Variants in TMOD3 observed in about 807,000 individuals in gnomAD.
TMOD3 encodes the protein tropomodulin 3.
Under a neutral mutation model 39.2 loss-of-function variants are expected in TMOD3, and 20 were observed. That is an observed-to-expected ratio of 0.51 (90% confidence interval 0.36 to 0.74). The LOEUF (loss-of-function observed/expected upper bound fraction) is 0.74. Among genes scored for constraint, TMOD3 ranks in the 30% least tolerant of loss-of-function variants. TMOD3 has a pLI of 0.00. For missense variants in TMOD3, 381 were observed against 412.8 expected (o/e 0.92, Z 0.67); for synonymous variants, 143 against 145.8 (o/e 0.98, Z 0.14).
rs61532703 is a variant in TMOD3 at position 51,856,606 on chromosome 15, ATT to A, written c.-74-6194_-74-6193del. Among the ~76,000 whole-genome samples, 293 of 149,188 alleles carry A rather than the reference ATT, an allele frequency of 2.0e-3. 2 individuals carry two copies. The highest frequency in any genetic ancestry group is 5.7e-3 in the African/African-American group (231 of 40,860). On this transcript the variant is annotated intron_variant, in intron 1 of 9. Coordinates refer to ENST00000308580, the MANE Select transcript of TMOD3 (RefSeq NM_014547.5). Reference sequence around the variant, plus strand: ...AACCAACAAAGAATATATTAAGGGCATTTTTTTTTTTTAACGGGCAAAAGATT... The same window carrying A: ...AACCAACAAAGAATATATTAAGGGCATTTTTTTTTTAACGGGCAAAAGATT...
rs1300619901 is a variant in TMOD3, at chr15:51,909,464, G to C, written c.*654G>C. Reference sequence around the variant, plus strand: ...TAAAACAAAGTCATCAGCTTTGCCAGGTTACATACTTTATTTAAAAGTATA... The same window carrying C: ...TAAAACAAAGTCATCAGCTTTGCCACGTTACATACTTTATTTAAAAGTATA... On this transcript the variant is annotated 3_prime_UTR_variant, in exon 10 of 10. Transcript: ENST00000308580. The C allele has an allele frequency of 6.6e-6, 1 of 152,556 alleles. No individual in the cohort carries two copies. The highest frequency in any genetic ancestry group is 1.5e-5 in the Non-Finnish European group (1 of 68,024). The allele number at this position is 152,556 out of a possible 1,614,324, so 9.5% of individuals were successfully genotyped here. A position where few individuals can be genotyped will look rare whatever the true frequency, so the allele number is the denominator to read the frequency against.
intron 2 of TMOD3, among the ~76,000 whole-genome samples, chr15:51,864,068 C>T (rs1595897081): frequency 6.6e-6 from 1 of 152,094 alleles, no homozygotes; most frequent in Middle Eastern, 3.4e-3. Flanking sequence ...GAGTTCGAGA[C>T]CAGCCTGGCC....
chr15:51,838,313 T>C (rs986068727), intron 1 of TMOD3, among the ~76,000 whole-genome samples: 1 of 152,194 alleles, frequency 6.6e-6, no homozygotes, highest in African/African-American at 2.4e-5. Context: ...CAGTTAATTA[T>C]ATATTTTCTT....
At chr15:51,897,578 G>A (rs1451997237) in intron 7 of TMOD3, among the ~76,000 whole-genome samples, 3 of 142,848 alleles carry the variant, frequency 2.1e-5, no homozygotes, top group South Asian at 2.2e-4. Context: ...TCCGCCTCCC[G>A]GGTTCAAGCG....
chr15:51,830,069 G>T (rs1297955244), intron 1 of TMOD3, among the ~76,000 whole-genome samples: 1 of 152,080 alleles, frequency 6.6e-6, no homozygotes, highest in Non-Finnish European at 1.5e-5. Flanking sequence ...CTAGGCGCGC[G>T]AACCTGGCGT....
intron 3 of TMOD3, among the ~76,000 whole-genome samples, chr15:51,879,741 C>G (rs540584899): frequency 6.6e-6 from 1 of 151,904 alleles, no homozygotes; most frequent in South Asian, 2.1e-4. Context: ...CATGACTAAC[C>G]AGTCTTCATT....
At chr15:51,857,837 G>A (rs1469960911) in intron 1 of TMOD3, among the ~76,000 whole-genome samples, 1 of 151,236 alleles carries the variant, frequency 6.6e-6, no homozygotes, top group Non-Finnish European at 1.5e-5. Context: ...ACCCTTATCT[G>A]TCTGAAATAT....
chr15:51,854,007 G>A (rs533353296), intron 1 of TMOD3, among the ~76,000 whole-genome samples: 3 of 152,116 alleles, frequency 2.0e-5, no homozygotes, highest in Non-Finnish European at 4.4e-5. Flanking sequence ...GGAATAGAGA[G>A]GCCTAAAGTT....
Position 51,912,708 on chromosome 15 carries a change from A to G in TMOD3, c.*3898A>G, listed in dbSNP as rs1566871669. ...TACTGCCCAAATTTACTCATTCTAC[A>G]GTGTTACTGCACTTTGAACGTATTG... On this transcript the variant is annotated 3_prime_UTR_variant, in exon 10 of 10. Coordinates refer to ENST00000308580, the MANE Select transcript of TMOD3 (RefSeq NM_014547.5). 1 of 152,162 alleles carries G rather than the reference A, an allele frequency of 6.6e-6. No individual in the cohort carries two copies. Among genetic ancestry groups the G allele is most frequent in the Non-Finnish European group, 1.5e-5 (1 of 68,034 alleles). 9.4% of individuals were successfully genotyped at this position (152,162 alleles called of 1,614,324 possible).
chr15:51,891,244 CT>C lies in TMOD3; in HGVS notation c.496+2115del, dbSNP rs56932356. On this transcript the variant is annotated intron_variant, in intron 5 of 9. Coordinates refer to ENST00000308580, the MANE Select transcript of TMOD3 (RefSeq NM_014547.5). ...ACAGTTCTCCTCCCCAACCTCTTTCCTTTTTTTTTTTTTTTTCTGTGCCATT... is the reference window on the plus strand; with the variant it reads ...ACAGTTCTCCTCCCCAACCTCTTTCCTTTTTTTTTTTTTTTCTGTGCCATT... Among the ~76,000 whole-genome samples, 863 of 130,230 alleles carry C rather than the reference CT, an allele frequency of 6.6e-3. 3 individuals are homozygous for C. The highest frequency in any genetic ancestry group is 9.3e-3 in the Non-Finnish European group (567 of 60,682). 85.4% of individuals were successfully genotyped at this position (130,230 alleles called of 152,430 possible). A position where few individuals can be genotyped will look rare whatever the true frequency, so the allele number is the denominator to read the frequency against.
At chr15:51,843,504 A>G (rs2056322093) in intron 1 of TMOD3, among the ~76,000 whole-genome samples, 1 of 152,196 alleles carries the variant, frequency 6.6e-6, no homozygotes, top group African/African-American at 2.4e-5. Context: ...TGTAGGCAAG[A>G]TACAGATGTT....
intron 9 of TMOD3, among the ~76,000 whole-genome samples, chr15:51,903,459 T>C (rs1334988730): frequency 6.6e-6 from 1 of 152,234 alleles, no homozygotes; most frequent in Non-Finnish European, 1.5e-5. Context: ...GTTCCCATTC[T>C]GTAAAAGTTT....
intron 1 of TMOD3, among the ~76,000 whole-genome samples, chr15:51,839,169 T>TTTTTTTTTTTTTTTTTTTTTC: frequency 6.9e-6 from 1 of 145,462 alleles, no homozygotes; most frequent in Non-Finnish European, 1.5e-5. Flanking sequence ...ATCTCTCTTT[T>TTTTTTTTTTTTTTTTTTTTTC]TTTTTTTTTC....
chr15:51,839,163 C>CTTTTTTTTTTTTTTTTT lies in TMOD3; in HGVS notation c.-75+9328_-75+9329insTTTTTTTTTTTTTTTTT, dbSNP rs111813783. Among the ~76,000 whole-genome samples, 25 of 109,830 alleles carry CTTTTTTTTTTTTTTTTT rather than the reference C, an allele frequency of 2.3e-4. 5 individuals are homozygous for CTTTTTTTTTTTTTTTTT. The highest frequency in any genetic ancestry group is 5.8e-4 in the South Asian group (2 of 3,466). 72.1% of individuals were successfully genotyped at this position (109,830 alleles called of 152,430 possible). A position where few individuals can be genotyped will look rare whatever the true frequency, so the allele number is the denominator to read the frequency against. ...TGACAGCTAAGAAATAGGTGTATCT[C>CTTTTTTTTTTTTTTTTT]TCTTTTTTTTTTTTTCCATTTTGTT... On this transcript the variant is annotated intron_variant, in intron 1 of 9. Transcript: ENST00000308580.
chr15:51,900,739 CCTT>C (rs1416626826), intron 8 of TMOD3, among the ~76,000 whole-genome samples: 2 of 152,146 alleles, frequency 1.3e-5, no homozygotes, highest in Non-Finnish European at 2.9e-5. Context: ...TTAAATGTCT[CCTT>C]CAGTCCTTCA....
chr15:51,877,043 T>G (rs544430708), intron 3 of TMOD3, among the ~76,000 whole-genome samples: 1 of 152,126 alleles, frequency 6.6e-6, no homozygotes, highest in Non-Finnish European at 1.5e-5. Flanking sequence ...ACCCTTGGCA[T>G]CAGAGCGAGA....
intron 8 of TMOD3, among the ~76,000 whole-genome samples, chr15:51,901,652 G>A (rs558322627): frequency 6.6e-6 from 1 of 151,454 alleles, no homozygotes; most frequent in East Asian, 1.9e-4. Flanking sequence ...TTGGGTCAAT[G>A]GGTAAAATCC....
intron 9 of TMOD3, among the ~76,000 whole-genome samples, chr15:51,906,662 G>C: frequency 6.6e-6 from 1 of 152,132 alleles, no homozygotes; most frequent in East Asian, 1.9e-4. Flanking sequence ...AGCATCTGAA[G>C]TGGTATGCCA....
At chr15:51,908,719 T>C in intron 9 of TMOD3, 57 bp from the exon 10 acceptor site, 4 of 1,446,662 alleles carry the variant, frequency 2.8e-6, no homozygotes, top group Non-Finnish European at 1.9e-6. Context: ...ATAAGCAAGT[T>C]ACCATTGTAA....
Sources: gnomAD v4.1 joint callset for allele counts (sites outside exome capture counted in the v4.1 genomes callset) on GRCh38, gnomAD v4.1.1 for gene constraint, MANE v1.5 for transcripts, NCBI Gene and HGNC (gene_info 2026-07-23, HGNC 2026-07-21) for gene names.